TEAD4: variants seen among roughly 807,000 people sequenced by gnomAD.
TEAD4 encodes TEA domain transcription factor 4.
TEAD4 carries 36 observed loss-of-function variants against 52.4 expected under a neutral mutation model. The ratio of observed to expected loss-of-function variants is 0.69; its 90% CI spans 0.53 to 0.91. TEAD4 has a LOEUF of 0.91. Among genes scored for constraint, TEAD4 ranks in the 40% least tolerant of loss-of-function variants. TEAD4 has a pLI of 0.00. For synonymous variants in TEAD4, 220 were observed against 231.0 expected, an observed-to-expected ratio of 0.95 and a Z score of 0.43; for missense variants, 508 against 583.9, an observed-to-expected ratio of 0.87 and a Z score of 1.34.
intron 2 of TEAD4, among the ~76,000 whole-genome samples, chr12:2,985,139 C>T (rs1040249844): frequency 3.3e-5 from 5 of 152,106 alleles, no homozygotes; most frequent in African/African-American, 1.2e-4. Context: ...AATCCCAGCA[C>T]TTTGGGAGGC....
At chr12:3,018,996 A>G in intron 7 of TEAD4, 119 bp from the exon 8 acceptor site, 4 of 1,297,464 alleles carry the variant, frequency 3.1e-6, no homozygotes, top group Non-Finnish European at 4.4e-6. Context: ...GCCAAGGCCC[A>G]TCGGGACCAC....
chr12:2,978,558 C>T (rs903653247), intron 2 of TEAD4, among the ~76,000 whole-genome samples: 20 of 152,052 alleles, frequency 1.3e-4, no homozygotes, highest in African/African-American at 4.8e-4. Context: ...CCTGCGCCAC[C>T]GCCCCTGGCT....
At chr12:2,971,585 C>G (rs1402633397) in intron 2 of TEAD4, among the ~76,000 whole-genome samples, 2 of 149,222 alleles carry the variant, frequency 1.3e-5, no homozygotes, top group African/African-American at 5.0e-5. Flanking sequence ...ATGCCATTCT[C>G]CCGCCTCAGC....
At chr12:2,968,083 CTTTTTTTTTT>C (rs34430154) in intron 2 of TEAD4, among the ~76,000 whole-genome samples, 4 of 111,964 alleles carry the variant, frequency 3.6e-5, no homozygotes, top group Admixed American at 3.6e-4. Context: ...ACATGTGGGT[CTTTTTTTTTT>C]TTTTTTTTTT....
At position 2,965,879 on chromosome 12, in the gene TEAD4, G is replaced by A. The variant is rs189350439; in HGVS notation, c.-30+5839G>A. On this transcript the variant is annotated intron_variant, in intron 2 of 12. Transcript: ENST00000359864. ...TTAAATTATCATTATTATTATTATC[G>A]TAGACAGTGTCTTGCTCTGTCACCC... 2.7e-4 allele frequency among the ~76,000 whole-genome samples: 41 copies of A among 151,930 alleles called. 1 individual carries two copies. In the East Asian group the frequency reaches 3.9e-3, roughly 14 times the overall value.
At chr12:3,005,664 A>ATTT (rs370939562) in intron 3 of TEAD4, among the ~76,000 whole-genome samples, 3 of 150,890 alleles carry the variant, frequency 2.0e-5, no homozygotes, top group African/African-American at 7.3e-5. Context: ...GCCCGGCTAT[A>ATTT]TTTTTTTTGT....
intron 2 of TEAD4, among the ~76,000 whole-genome samples, chr12:2,978,197 GC>G (rs1472699808): frequency 1.3e-5 from 2 of 151,842 alleles, no homozygotes; most frequent in Non-Finnish European, 2.9e-5. Flanking sequence ...CTCCTGGTGC[GC>G]TTTAAACAAT....
chr12:2,989,478 G>T (rs573506757), intron 2 of TEAD4, among the ~76,000 whole-genome samples: 1 of 152,032 alleles, frequency 6.6e-6, no homozygotes, highest in Non-Finnish European at 1.5e-5. Flanking sequence ...TCCTTCTGTC[G>T]CCCAGGCTGG....
At chr12:3,005,322 C>G (rs1206349785) in intron 3 of TEAD4, among the ~76,000 whole-genome samples, 2 of 147,798 alleles carry the variant, frequency 1.4e-5, no homozygotes, top group African/African-American at 5.1e-5. Flanking sequence ...TAGACAAGGT[C>G]TTACTCTCCC....
intron 10 of TEAD4, among the ~76,000 whole-genome samples, chr12:3,023,419 T>A (rs916702824): frequency 2.0e-5 from 3 of 152,176 alleles, no homozygotes; most frequent in African/African-American, 7.2e-5. Flanking sequence ...TATTTTATTT[T>A]ACTTGGTCTT....
intron 2 of TEAD4, among the ~76,000 whole-genome samples, chr12:2,968,093 T>TTC (rs1013289259): frequency 6.7e-6 from 1 of 148,182 alleles, no homozygotes; most frequent in Admixed American, 6.8e-5. Context: ...CTTTTTTTTT[T>TTC]TTTTTTTTTT....
At chr12:2,996,299 C>T (rs755454392) in intron 3 of TEAD4, among the ~76,000 whole-genome samples, 3 of 152,166 alleles carry the variant, frequency 2.0e-5, no homozygotes, top group Admixed American at 6.5e-5. Flanking sequence ...TTGCTTGGCT[C>T]GGCTTCCCCA....
rs187315652 is a variant in TEAD4 at position 2,991,454 on chromosome 12, G to A, written c.-29-3284G>A. Among the ~76,000 whole-genome samples, 10 of 152,286 alleles carry A rather than the reference G, an allele frequency of 6.6e-5. No homozygotes were observed. In the East Asian group the frequency reaches 1.9e-3, roughly 29 times the overall value. On this transcript the variant is annotated intron_variant, in intron 2 of 12. Transcript: ENST00000359864. ...AGGTGGATGGATCACCTGAGGTCAG[G>A]AATTTGAGACCAGCCTGGCCAACGT...
intron 3 of TEAD4, among the ~76,000 whole-genome samples, chr12:3,000,767 G>C (rs551338576): frequency 6.6e-6 from 1 of 152,204 alleles, no homozygotes; most frequent in African/African-American, 2.4e-5. Flanking sequence ...AGCACTGTTG[G>C]TTCGTCAGAC....
chr12:3,008,647 A>G (rs907780931), intron 3 of TEAD4, among the ~76,000 whole-genome samples: 8 of 152,114 alleles, frequency 5.3e-5, no homozygotes, highest in Non-Finnish European at 8.8e-5. Flanking sequence ...CAGTGGCTGT[A>G]TGAATTCTGG....
At chr12:3,006,606 C>T (rs2098256118) in intron 3 of TEAD4, among the ~76,000 whole-genome samples, 1 of 151,958 alleles carries the variant, frequency 6.6e-6, no homozygotes, top group Admixed American at 6.6e-5. Context: ...ATCACTTGAA[C>T]CTGGGAGGCG....
chr12:3,018,359 G>A (rs1254410599), intron 6 of TEAD4, among the ~76,000 whole-genome samples, 186 bp from the exon 7 acceptor site: 2 of 152,136 alleles, frequency 1.3e-5, no homozygotes, highest in Non-Finnish European at 2.9e-5. Context: ...CACAGGGCCT[G>A]AGAGCCCCCT....
intron 10 of TEAD4, among the ~76,000 whole-genome samples, chr12:3,024,137 T>C (rs1036034216): frequency 9.2e-5 from 14 of 151,954 alleles, no homozygotes; most frequent in East Asian, 3.9e-4. Flanking sequence ...TGCAGTGGCG[T>C]GATCTTGGCT....
chr12:2,999,126 A>T lies in TEAD4; in HGVS notation c.226+4134A>T, dbSNP rs1037850173. 1.2e-4 allele frequency among the ~76,000 whole-genome samples: 19 copies of T among 152,108 alleles called. 1 individual carries two copies. The highest frequency in any genetic ancestry group is 2.8e-4 in the Non-Finnish European group (19 of 67,994). On this transcript the variant is annotated intron_variant, in intron 3 of 12. Coordinates refer to ENST00000359864, the MANE Select transcript of TEAD4 (RefSeq NM_003213.4). The stretch of plus-strand genomic sequence containing the variant: ...TGGGATGGGCCCTCTGGGAGGCGGA[A>T]TGGGAGGCCGAGCTGAGAGCTGACT...
Sources: gnomAD v4.1 joint callset for allele counts (sites outside exome capture counted in the v4.1 genomes callset) on GRCh38, gnomAD v4.1.1 for gene constraint, MANE v1.5 for transcripts, NCBI Gene and HGNC (gene_info 2026-07-23, HGNC 2026-07-21) for gene names.